The following UGT2B10 variants were observed in gnomAD, a reference collection of about 807,000 sequenced individuals.
The protein encoded by UGT2B10 is UDP-glucuronosyltransferase 2B10.
UGT2B10 carries 51 observed loss-of-function variants against 43.7 expected under a neutral mutation model. That is an observed-to-expected ratio of 1.17 (90% CI 0.93 to 1.47). UGT2B10 has a LOEUF of 1.47. Among genes scored for constraint, UGT2B10 ranks in the 40% most tolerant of loss-of-function variants. UGT2B10 has a pLI of 0.00. For missense variants in UGT2B10, 696 were observed against 617.7 expected, an observed-to-expected ratio of 1.13 and a Z score of -1.34; for synonymous variants, 225 against 209.0, an observed-to-expected ratio of 1.08 and a Z score of -0.66.
At chr4:68,820,587 T>C (rs1737443334) in intron 2 of UGT2B10, among the ~76,000 whole-genome samples, 1 of 152,026 alleles carries the variant, frequency 6.6e-6, no homozygotes, top group Non-Finnish European at 1.5e-5. Context: ...AAATGTTCAA[T>C]TATGCTGTCA....
intron 3 of UGT2B10, among the ~76,000 whole-genome samples, chr4:68,825,556 T>G (rs1291076088): frequency 6.6e-6 from 1 of 152,090 alleles, no homozygotes; most frequent in African/African-American, 2.4e-5. Flanking sequence ...TGTTCTCATC[T>G]TTTAGCTTCC....
intron 1 of UGT2B10, among the ~76,000 whole-genome samples, chr4:68,817,036 C>A (rs1225729050): frequency 6.6e-6 from 1 of 151,774 alleles, no homozygotes; most frequent in Non-Finnish European, 1.5e-5. Flanking sequence ...TGTTTCAGAT[C>A]TTAAAAACAG....
intron 2 of UGT2B10, among the ~76,000 whole-genome samples, chr4:68,821,685 A>G (rs1171010168): frequency 6.6e-6 from 1 of 152,120 alleles, no homozygotes; most frequent in East Asian, 1.9e-4. Context: ...TTTTTGAAAA[A>G]CTACTGGAAA....
intron 2 of UGT2B10, 93 bp from the exon 3 acceptor site, chr4:68,822,177 AT>A (rs1737534259): frequency 6.5e-7 from 1 of 1,529,836 alleles, no homozygotes; most frequent in African/African-American, 1.4e-5. Flanking sequence ...AAAATACTTG[AT>A]TTTCTCTCTT....
intron 1 of UGT2B10, among the ~76,000 whole-genome samples, chr4:68,817,739 T>G (rs1008504327): frequency 1.3e-5 from 2 of 151,762 alleles, no homozygotes; most frequent in Non-Finnish European, 3.0e-5. Context: ...TAAATTGATG[T>G]TTAATTCTCT....
rs753667505 is a variant in UGT2B10 at position 68,830,655 on chromosome 4, C to A, written c.1363C>A (p.Pro455Thr). The change falls in exon 6 of 6, where the codon CCC becomes ACC. Residue 455 changes from proline to threonine, a missense_variant. Physicochemically the swap from Pro to Thr is conservative, Grantham distance 38. Coordinates refer to ENST00000265403, the MANE Select transcript of UGT2B10 (RefSeq NM_001075.6). Reference sequence around the variant, plus strand: ...AATTCAACATGATCAACCAGTGAAGCCCCTGGATCGAGCAGTCTTCTGGAT... The same window carrying A: ...AATTCAACATGATCAACCAGTGAAGACCCTGGATCGAGCAGTCTTCTGGAT... ...SRIQHDQPVK[P>T]LDRAVFWIEF... The A allele has an allele frequency of 6.2e-7, 1 of 1,613,082 alleles. No individual in the cohort carries two copies. Among genetic ancestry groups the A allele is most frequent in the African/African-American group, 1.3e-5 (1 of 74,838 alleles).
At chr4:68,817,128 C>T (rs1440822365) in intron 1 of UGT2B10, among the ~76,000 whole-genome samples, 1 of 151,748 alleles carries the variant, frequency 6.6e-6, no homozygotes, top group Non-Finnish European at 1.5e-5. Context: ...ATCTATATAA[C>T]TGCAGAAATT....
chr4:68,820,084 C>A (rs1578265246), intron 2 of UGT2B10, among the ~76,000 whole-genome samples: 1 of 151,982 alleles, frequency 6.6e-6, no homozygotes, highest in East Asian at 1.9e-4. Flanking sequence ...AAAGATTTCC[C>A]CACTCACACT....
At chr4:68,819,313 G>A (rs961174640) in intron 2 of UGT2B10, among the ~76,000 whole-genome samples, 1 of 151,822 alleles carries the variant, frequency 6.6e-6, no homozygotes, top group Non-Finnish European at 1.5e-5. Context: ...GCACATCAAG[G>A]TTATATTGTC....
At chr4:68,819,774 G>A (rs1405375774) in intron 2 of UGT2B10, among the ~76,000 whole-genome samples, 6 of 151,504 alleles carry the variant, frequency 4.0e-5, no homozygotes, top group Admixed American at 1.3e-4. Context: ...ATTTCAATAC[G>A]AAAAAAAATT....
chr4:68,829,376 G>A (rs557487185), intron 5 of UGT2B10, among the ~76,000 whole-genome samples: 63 of 152,118 alleles, frequency 4.1e-4, no homozygotes, highest in African/African-American at 1.3e-3. Flanking sequence ...GTGATATCCT[G>A]TACCATGAAC....
chr4:68,831,886 T>C lies in UGT2B10; in HGVS notation c.*1007T>C, dbSNP rs1300675794. Among the ~76,000 whole-genome samples the C allele has an allele frequency of 2.0e-5, 3 of 152,112 alleles. No individual in the cohort carries two copies. The highest frequency in any genetic ancestry group is 4.4e-5 in the Non-Finnish European group (3 of 68,000). On this transcript the variant is annotated 3_prime_UTR_variant, in exon 6 of 6. Transcript: ENST00000265403. ...ACCTTACCTGACTAAGGATTATTCA[T>C]TAAGTTTTACTTGTTTATCTGACAT...
rs1303753270 is a variant in UGT2B10 at position 68,816,440 on chromosome 4, G to A, written c.421G>A (p.Glu141Lys). Residue 141 changes from glutamate (E) to lysine (K), a missense_variant, in exon 1 of 6, where the codon GAG (glutamate) becomes AAG (lysine). Physicochemically the swap from Glu to Lys is moderately conservative, Grantham distance 56. Transcript: ENST00000265403. ...SNKKLMKKLQ[E>K]SRFDIVFADA... ...TAAGAAACTTATGAAAAAACTACAA[G>A]AGTCAAGATTTGACATCGTTTTTGC... 5 of 1,612,942 alleles carry A rather than the reference G, an allele frequency of 3.1e-6. No individual in the cohort carries two copies. The highest frequency in any genetic ancestry group is 4.2e-6 in the Non-Finnish European group (5 of 1,179,462).
intron 3 of UGT2B10, among the ~76,000 whole-genome samples, chr4:68,824,397 C>T (rs570735853): frequency 6.6e-6 from 1 of 152,220 alleles, no homozygotes; most frequent in Non-Finnish European, 1.5e-5. Flanking sequence ...GCACTAATTA[C>T]CAGATTAACA....
At chr4:68,818,371 G>A (rs943751370) in intron 2 of UGT2B10, among the ~76,000 whole-genome samples, 194 bp downstream of exon 2, 1 of 151,778 alleles carries the variant, frequency 6.6e-6, no homozygotes, top group Non-Finnish European at 1.5e-5. Context: ...GTTACAAATA[G>A]AGAGGAATAC....
At chr4:68,827,990 G>C (rs747003049) in intron 5 of UGT2B10, among the ~76,000 whole-genome samples, 33 of 151,486 alleles carry the variant, frequency 2.2e-4, no homozygotes, top group Non-Finnish European at 3.8e-4. Context: ...ATTTAATTTT[G>C]ATAGCATAAA....
At position 68,831,862 on chromosome 4, in the gene UGT2B10, C is replaced by T. The variant is rs545613497; in HGVS notation, c.*983C>T. 7.2e-5 allele frequency among the ~76,000 whole-genome samples: 11 copies of T among 152,186 alleles called. No homozygotes were observed. Among genetic ancestry groups the T allele is most frequent in the African/African-American group, 2.4e-4 (10 of 41,564 alleles). Reference sequence around the variant, plus strand: ...TTGATCAATCCAACTGCAAAGTTCACCTTACCTGACTAAGGATTATTCATT... The same window carrying T: ...TTGATCAATCCAACTGCAAAGTTCATCTTACCTGACTAAGGATTATTCATT... On this transcript the variant is annotated 3_prime_UTR_variant, in exon 6 of 6. Coordinates refer to ENST00000265403, the MANE Select transcript of UGT2B10 (RefSeq NM_001075.6).
chr4:68,830,979 C>T lies in UGT2B10; in HGVS notation c.*100C>T. The T allele has an allele frequency of 2.8e-6, 4 of 1,434,850 alleles. No homozygotes were observed. The highest frequency in any genetic ancestry group is 3.7e-6 in the Non-Finnish European group (4 of 1,074,200). 88.9% of individuals were successfully genotyped at this position (1,434,850 alleles called of 1,614,324 possible). A position where few individuals can be genotyped will look rare whatever the true frequency, so the allele number is the denominator to read the frequency against. On this transcript the variant is annotated 3_prime_UTR_variant, in exon 6 of 6. Transcript: ENST00000265403. Reference sequence around the variant, plus strand: ...ATGCAAGATTTCTTTCTTCCTGTGACAAAAAAAAATCCTTTCGAAGTCTAC... The same window carrying T: ...ATGCAAGATTTCTTTCTTCCTGTGATAAAAAAAAATCCTTTCGAAGTCTAC...
intron 5 of UGT2B10, among the ~76,000 whole-genome samples, chr4:68,830,230 A>G (rs1201347713): frequency 6.6e-6 from 1 of 152,082 alleles, no homozygotes; most frequent in African/African-American, 2.4e-5. Context: ...ATTTTCCATG[A>G]TGTGATTATT....
Sources: allele counts gnomAD v4.1 joint callset (sites outside exome capture counted in the v4.1 genomes callset), GRCh38; gene constraint gnomAD v4.1.1; transcripts MANE v1.5; gene names NCBI Gene and HGNC (gene_info 2026-07-23, HGNC 2026-07-21).